The following TMOD2 variants were observed in gnomAD, a reference collection of about 807,000 sequenced individuals.
The protein encoded by TMOD2 is tropomodulin-2.
A neutral mutation model predicts 39.9 loss-of-function variants in TMOD2; 22 were observed. The ratio of observed to expected loss-of-function variants is 0.55; its 90% CI spans 0.39 to 0.79. The LOEUF is 0.79. TMOD2 is among the 30% of genes least tolerant of loss of function. The probability of loss-of-function intolerance (pLI) is 0.00; values close to 1 mark genes in which losing one functional copy is unlikely to be tolerated. For missense variants in TMOD2, 386 were observed against 413.3 expected (o/e 0.93, Z 0.57); for synonymous variants, 123 against 146.1 (o/e 0.84, Z 1.14).
At chr15:51,753,027 A>G (rs901723075) in intron 1 of TMOD2, 2 of 152,270 alleles carry the variant, frequency 1.3e-5, no homozygotes, top group Admixed American at 6.5e-5. Flanking sequence ...CGAGTGGTCA[A>G]ATGTGGTCAG....
chr15:51,783,953 C>T, intron 7 of TMOD2: 1 of 152,164 alleles, frequency 6.6e-6, no homozygotes, highest in East Asian at 1.9e-4. Context: ...CTATTTATAG[C>T]TACTTTATTG....
intron 7 of TMOD2, among the ~76,000 whole-genome samples, chr15:51,788,591 A>G (rs774433136): frequency 7.2e-5 from 11 of 152,230 alleles, no homozygotes; most frequent in Non-Finnish European, 1.3e-4. Context: ...CAAGGTTGAA[A>G]TGAAGGAAAA....
rs1156470152 is a variant in TMOD2 at position 51,766,477 on chromosome 15, C to A, written c.36C>A (p.Tyr12Ter). ...ALPFQKELEK[Y>*]KNIDEDELLG... ...CCTTTCAAAAAGAGCTGGAGAAATA[C>A]AAGAACATTGATGAAGATGAGCTTC... The change falls in exon 2 of 10, where the codon TAC (tyrosine) becomes TAA (stop). Residue 12 changes from tyrosine to a stop codon, truncating the protein, a stop_gained. Transcript: ENST00000249700. LOFTEE classifies it high-confidence loss of function. 2 of 1,613,772 alleles carry A rather than the reference C, an allele frequency of 1.2e-6. No homozygotes were observed. The highest frequency in any genetic ancestry group is 3.3e-5 in the Admixed American group (2 of 59,978).
intron 1 of TMOD2, among the ~76,000 whole-genome samples, chr15:51,753,269 T>A (rs1225234338): frequency 6.6e-6 from 1 of 152,214 alleles, no homozygotes; most frequent in East Asian, 1.9e-4. Flanking sequence ...AGGATTTTCA[T>A]ATTATTTCAA....
rs766755493 is a variant in TMOD2 at position 51,773,806 on chromosome 15, C to T, written c.378C>T (p.Ala126=). ...AACTGGAAGAAGCTTTGGCCAGTGC[C>T]TCTGACACCGAACTCTATGATCTTG... is the stretch of plus-strand genomic sequence containing the variant. ...DPELEEALAS[A]SDTELYDLAA... Residue 126 remains alanine (A), a synonymous_variant, in exon 4 of 10, where the codon GCC becomes GCT. Coordinates refer to ENST00000249700, the MANE Select transcript of TMOD2 (RefSeq NM_014548.4). 1.9e-6 allele frequency: 3 copies of T among 1,612,448 alleles called. No homozygotes were observed. Among genetic ancestry groups the T allele is most frequent in the Non-Finnish European group, 2.5e-6 (3 of 1,179,498 alleles).
At chr15:51,770,841 G>C (rs1191838638) in intron 3 of TMOD2, among the ~76,000 whole-genome samples, 5 of 152,102 alleles carry the variant, frequency 3.3e-5, no homozygotes, top group Admixed American at 3.3e-4. Flanking sequence ...AGTGAACAGT[G>C]ACAAACCAGG....
At chr15:51,760,220 C>T (rs2055771342) in intron 1 of TMOD2, among the ~76,000 whole-genome samples, 1 of 152,214 alleles carries the variant, frequency 6.6e-6, no homozygotes, top group Non-Finnish European at 1.5e-5. Flanking sequence ...ACAATACAAA[C>T]TTATTCTTAC....
intron 8 of TMOD2, among the ~76,000 whole-genome samples, chr15:51,801,235 TCTCACACACACACACA>T (rs1419333396): frequency 5.5e-5 from 6 of 108,926 alleles, no homozygotes; most frequent in Non-Finnish European, 9.1e-5. Context: ...TCTCTCTCTC[TCTCACACACACACACA>T]CACACACACA....
At chr15:51,780,244 C>T (rs1008992491) in intron 5 of TMOD2, among the ~76,000 whole-genome samples, 1 of 152,150 alleles carries the variant, frequency 6.6e-6, no homozygotes, top group South Asian at 2.1e-4. Context: ...ATTACTCTCC[C>T]AAAACATTTG....
chr15:51,798,468 TA>T, intron 8 of TMOD2, 128 bp downstream of exon 8: 7 of 1,192,288 alleles, frequency 5.9e-6, no homozygotes, highest in Non-Finnish European at 8.2e-6. Flanking sequence ...GGATTTCCTG[TA>T]AGTTTTAGAA....
At chr15:51,753,086 T>C (rs992460232) in intron 1 of TMOD2, among the ~76,000 whole-genome samples, 12 of 152,072 alleles carry the variant, frequency 7.9e-5, no homozygotes, top group Non-Finnish European at 1.6e-4. Context: ...AGAATGTGTA[T>C]ACACAGAAAA....
rs2056121301 is a variant in TMOD2, at chr15:51,806,359, G to T, written c.877-18G>T. The T allele has an allele frequency of 6.2e-7, 1 of 1,613,802 alleles. No homozygotes were observed. The highest frequency in any genetic ancestry group is 1.7e-5 in the Admixed American group (1 of 59,992). On this transcript the variant is annotated intron_variant, in intron 8 of 9. Transcript: ENST00000249700. ...TCCTTCTTGGTCATCCTGTGCATGT[G>T]TCTGCACCTGCAACCAGAGGCAGCA...
intron 9 of TMOD2, among the ~76,000 whole-genome samples, chr15:51,807,491 C>CA (rs1238061196): frequency 6.6e-6 from 1 of 152,026 alleles, no homozygotes; most frequent in Non-Finnish European, 1.5e-5. Flanking sequence ...GGGGGGTGCA[C>CA]AGGGTGAGGC....
intron 4 of TMOD2, among the ~76,000 whole-genome samples, chr15:51,775,400 A>C (rs1244746535): frequency 6.6e-6 from 1 of 152,076 alleles, no homozygotes; most frequent in African/African-American, 2.4e-5. Flanking sequence ...CAGATAACAG[A>C]TAAAAATGAA....
At chr15:51,751,750 C>G (rs2055704911) in intron 1 of TMOD2, 38 bp downstream of exon 1, 1 of 151,082 alleles carries the variant, frequency 6.6e-6, no homozygotes, top group Non-Finnish European at 1.5e-5. Context: ...CTGTTCTGGA[C>G]AGCCGGTGTC....
chr15:51,799,998 C>T (rs1032729942), intron 8 of TMOD2, among the ~76,000 whole-genome samples: 2 of 152,110 alleles, frequency 1.3e-5, no homozygotes, highest in African/African-American at 4.8e-5. Flanking sequence ...CTAAGGTTGC[C>T]ACATAAAATA....
intron 7 of TMOD2, 112 bp downstream of exon 7, chr15:51,782,940 A>G: frequency 1.1e-6 from 1 of 922,710 alleles, no homozygotes; most frequent in African/African-American, 1.7e-5. Flanking sequence ...TACCTTCTAC[A>G]CAGTTAGTGA....
At chr15:51,801,237 TCA>T (rs546562505) in intron 8 of TMOD2, among the ~76,000 whole-genome samples, 4,186 of 101,996 alleles carry the variant, frequency 0.041, 105 homozygotes, top group Admixed American at 0.11. Context: ...TCTCTCTCTC[TCA>T]CACACACACA....
At position 51,760,542 on chromosome 15, in the gene TMOD2, C is replaced by T. The variant is rs570027321; in HGVS notation, c.-69-5831C>T. 9.2e-5 allele frequency among the ~76,000 whole-genome samples: 14 copies of T among 152,274 alleles called. No individual in the cohort carries two copies. In the East Asian group the frequency reaches 1.5e-3, roughly 17 times the overall value. Reference sequence around the variant, plus strand: ...AATCTGGGCTGGGCGTGGTGGCTCACGCCTATAATCTCAGCACTTTGGGAG... The same window carrying T: ...AATCTGGGCTGGGCGTGGTGGCTCATGCCTATAATCTCAGCACTTTGGGAG... On this transcript the variant is annotated intron_variant, in intron 1 of 9. Transcript: ENST00000249700.
Sources: allele counts gnomAD v4.1 joint callset (sites outside exome capture counted in the v4.1 genomes callset), GRCh38; gene constraint gnomAD v4.1.1; transcripts MANE v1.5; gene names NCBI Gene and HGNC (gene_info 2026-07-23, HGNC 2026-07-21).